The following PCDHGA10 variants were observed in gnomAD, a reference collection of about 807,000 sequenced individuals.
PCDHGA10 encodes the protein protocadherin gamma-A10.
A neutral mutation model predicts 59.5 loss-of-function variants in PCDHGA10; 42 were observed. The ratio of observed to expected loss-of-function variants is 0.71; its 90% CI spans 0.55 to 0.91. The LOEUF (loss-of-function observed/expected upper bound fraction) is 0.91. Among genes scored for constraint, PCDHGA10 ranks in the 40% least tolerant of loss-of-function variants. PCDHGA10 has a pLI of 0.00. For missense variants in PCDHGA10, 1,111 were observed against 1,198.2 expected (o/e 0.93, Z 1.07); for synonymous variants, 511 against 517.2 (o/e 0.99, Z 0.16).
chr5:141,492,007 C>A, intron 1 of PCDHGA10: 1 of 629,072 alleles, frequency 1.6e-6, no homozygotes, highest in Non-Finnish European at 2.6e-6. Flanking sequence ...GCGATTTCCG[C>A]GGGTGTCGGG....
At chr5:141,504,817 G>T in intron 2 of PCDHGA10, among the ~76,000 whole-genome samples, 1 of 151,940 alleles carries the variant, frequency 6.6e-6, no homozygotes, top group East Asian at 1.9e-4. Flanking sequence ...TACCTCCTAG[G>T]TCCCCACTTT....
intron 3 of PCDHGA10, among the ~76,000 whole-genome samples, chr5:141,505,976 A>G (rs911235674): frequency 1.3e-5 from 2 of 152,136 alleles, no homozygotes; most frequent in Admixed American, 1.3e-4. Context: ...CCCAGCCGAG[A>G]GAACACCTCC....
intron 1 of PCDHGA10, among the ~76,000 whole-genome samples, chr5:141,452,689 C>G (rs1198702467): frequency 6.6e-6 from 1 of 151,562 alleles, no homozygotes; most frequent in Non-Finnish European, 1.5e-5. Context: ...AGAATGAAAC[C>G]CTGTCAAGAA....
At chr5:141,465,467 C>T (rs2099103834) in intron 1 of PCDHGA10, among the ~76,000 whole-genome samples, 1 of 152,178 alleles carries the variant, frequency 6.6e-6, no homozygotes, top group Non-Finnish European at 1.5e-5. Flanking sequence ...CCAAATTGCC[C>T]TTGCTTCATG....
At chr5:141,481,795 T>C (rs2154579318) in intron 1 of PCDHGA10, among the ~76,000 whole-genome samples, 1 of 150,244 alleles carries the variant, frequency 6.7e-6, no homozygotes, top group South Asian at 2.1e-4. Context: ...CTACTAAAAA[T>C]ACAAAAATTC....
At position 141,431,851 on chromosome 5, in the gene PCDHGA10, A is replaced by G. The variant is rs2097423722; in HGVS notation, c.2436+16240A>G. 1 of 1,614,264 alleles carries G rather than the reference A, an allele frequency of 6.2e-7. No individual in the cohort carries two copies. The highest frequency in any genetic ancestry group is 1.1e-5 in the South Asian group (1 of 91,088). ...TTCCCGAAAACTCTCCCAGAGGGAC[A>G]TTAATTGCCCTTTTAAATGTAAATG... On this transcript the variant is annotated intron_variant, in intron 1 of 3. Coordinates refer to ENST00000398610, the MANE Select transcript of PCDHGA10 (RefSeq NM_018913.3). This position sits in a 1 kb window ranked among gnomAD's most constrained non-coding sequence, Gnocchi z 4.8.
intron 1 of PCDHGA10, chr5:141,418,426 C>A: frequency 6.2e-7 from 1 of 1,613,948 alleles, no homozygotes; most frequent in South Asian, 1.1e-5. Flanking sequence ...CTGATGGTGG[C>A]AAATATCCAG....
At chr5:141,495,102 C>A (rs1344771035) in intron 2 of PCDHGA10, among the ~76,000 whole-genome samples, 3 of 152,160 alleles carry the variant, frequency 2.0e-5, no homozygotes, top group Non-Finnish European at 4.4e-5. Flanking sequence ...CTCGCCACGA[C>A]CGGCACCTTT....
rs2096260633 is a variant in PCDHGA10 at position 141,418,459 on chromosome 5, G to C, written c.2436+2848G>C. 2.5e-6 allele frequency: 4 copies of C among 1,613,992 alleles called. No homozygotes were observed. In the East Asian group the frequency reaches 6.7e-5, roughly 27 times the overall value. ...CAGAATTAGTATTGCAGAAGACTCT[G>C]GACCGAGAAACGCAGAGCGCTCACC... On this transcript the variant is annotated intron_variant, in intron 1 of 3. Transcript: ENST00000398610.
intron 1 of PCDHGA10, among the ~76,000 whole-genome samples, chr5:141,434,748 C>T (rs932613622): frequency 2.0e-5 from 3 of 151,818 alleles, no homozygotes; most frequent in African/African-American, 7.3e-5. Flanking sequence ...CTATGAGACC[C>T]CTGATTCCCC....
chr5:141,439,056 T>C (rs2098084461), intron 1 of PCDHGA10, among the ~76,000 whole-genome samples: 1 of 151,260 alleles, frequency 6.6e-6, no homozygotes, highest in Non-Finnish European at 1.5e-5. Flanking sequence ...TTCCATATTG[T>C]GTGGCAGGCG....
intron 1 of PCDHGA10, among the ~76,000 whole-genome samples, chr5:141,455,967 A>T (rs965245893): frequency 2.7e-5 from 4 of 150,838 alleles, no homozygotes; most frequent in Non-Finnish European, 4.4e-5. Flanking sequence ...GCGCGATCTC[A>T]GCTCACTGCA....
intron 1 of PCDHGA10, among the ~76,000 whole-genome samples, chr5:141,444,257 C>T (rs376980362): frequency 1.2e-4 from 18 of 147,512 alleles, no homozygotes; most frequent in East Asian, 6.0e-4. Context: ...CTGCAACCTC[C>T]GCCTCCCAGG....
intron 1 of PCDHGA10, among the ~76,000 whole-genome samples, chr5:141,488,289 TAAGTGAA>T (rs1389982829): frequency 6.6e-6 from 1 of 152,186 alleles, no homozygotes; most frequent in Non-Finnish European, 1.5e-5. Context: ...GAAAAAACAG[TAAGTGAA>T]ATCACTTATG....
chr5:141,493,560 C>T lies in PCDHGA10; in HGVS notation c.2437-1247C>T, dbSNP rs1222578153. ...TTATCCTTTTGGAGATTGAGTTCCCCCAGCTCCGTTTCCTCCTATCACAAT... is the reference window on the plus strand; with the variant it reads ...TTATCCTTTTGGAGATTGAGTTCCCTCAGCTCCGTTTCCTCCTATCACAAT... On this transcript the variant is annotated intron_variant, in intron 1 of 3. Transcript: ENST00000398610. The surrounding 1 kb of genome is among the most constrained non-coding windows in gnomAD (Gnocchi z 4.3). Among the ~76,000 whole-genome samples, 4 of 152,162 alleles carry T rather than the reference C, an allele frequency of 2.6e-5. No individual in the cohort carries two copies. The highest frequency in any genetic ancestry group is 2.1e-4 in the South Asian group (1 of 4,830).
intron 1 of PCDHGA10, among the ~76,000 whole-genome samples, chr5:141,473,090 T>C (rs1426311051): frequency 3.9e-5 from 6 of 152,064 alleles, no homozygotes; most frequent in African/African-American, 1.4e-4. Context: ...TTATCCACTG[T>C]GAGTTGTATT....
chr5:141,503,608 A>G (rs1451651299), intron 2 of PCDHGA10, among the ~76,000 whole-genome samples: 3 of 151,994 alleles, frequency 2.0e-5, no homozygotes, highest in South Asian at 2.1e-4. Flanking sequence ...CAAAAAAAAA[A>G]AAAAAAGAAA....
At chr5:141,418,393 C>A in intron 1 of PCDHGA10, 1 of 1,613,984 alleles carries the variant, frequency 6.2e-7, no homozygotes, top group Non-Finnish European at 8.5e-7. Context: ...ACGAGTATTT[C>A]TCATTGGTGG....
intron 1 of PCDHGA10, chr5:141,418,168 G>T (rs2096233804): frequency 6.2e-7 from 1 of 1,613,946 alleles, no homozygotes. Context: ...GAAGATGTGA[G>T]TTGCAATTGG....
Sources: gnomAD v4.1 joint callset for allele counts (sites outside exome capture counted in the v4.1 genomes callset) on GRCh38, gnomAD v4.1.1 for gene constraint, Gnocchi (gnomAD v3.1) non-coding constraint, MANE v1.5 for transcripts, NCBI Gene and HGNC (gene_info 2026-07-23, HGNC 2026-07-21) for gene names.